The following MYOF variants were observed in gnomAD, a reference collection of about 807,000 sequenced individuals.
MYOF encodes the protein fer-1-like 3, myoferlin.
In MYOF, 244 loss-of-function variants were observed where a neutral mutation model predicts 284.2. That is an observed-to-expected ratio of 0.86 (90% CI 0.77 to 0.95). The LOEUF is 0.95. MYOF is among the 40% of genes least tolerant of loss of function. The pLI, the probability that MYOF is intolerant of heterozygous loss-of-function variation, is 0.00. For missense variants in MYOF, 2,496 were observed against 2,560.6 expected (o/e 0.97, Z 0.54); for synonymous variants, 904 against 919.7 (o/e 0.98, Z 0.31).
At chr10:93,417,267 T>C (rs764914157) in intron 5 of MYOF, among the ~76,000 whole-genome samples, 12 of 152,216 alleles carry the variant, frequency 7.9e-5, no homozygotes, top group Non-Finnish European at 1.6e-4. Flanking sequence ...TGATCCACTC[T>C]TCTTTACTTG....
chr10:93,383,463 G>C (rs1293336517), intron 19 of MYOF, among the ~76,000 whole-genome samples: 1 of 151,878 alleles, frequency 6.6e-6, no homozygotes, highest in Non-Finnish European at 1.5e-5. Flanking sequence ...AGCATTGTGA[G>C]TCTAAAAGCC....
chr10:93,374,265 T>C (rs1015294855), intron 23 of MYOF, among the ~76,000 whole-genome samples: 1 of 152,214 alleles, frequency 6.6e-6, no homozygotes, highest in Non-Finnish European at 1.5e-5. Context: ...CTATCATTCA[T>C]GGACATTTGT....
rs375255136 is a variant in MYOF at position 93,363,899 on chromosome 10, T to C, written c.2868+62A>G. 6.5e-4 allele frequency: 958 copies of C among 1,484,104 alleles called. 6 individuals carry two copies. The Middle Eastern group carries it at 0.013, about 21-fold the overall frequency. The allele number at this position is 1,484,104 out of a possible 1,614,324, so 91.9% of individuals were successfully genotyped here. A position where few individuals can be genotyped will look rare whatever the true frequency, so the allele number is the denominator to read the frequency against. The stretch of plus-strand genomic sequence containing the variant: ...AAGCCCAAGCCAGGTGGCTGCTGGG[T>C]TCCCCGCAGATCACGATCAGAGGTG... On this transcript the variant is annotated intron_variant, in intron 27 of 53. Transcript: ENST00000359263.
At chr10:93,374,721 T>A in intron 23 of MYOF, 42 bp downstream of exon 23, 1 of 1,580,588 alleles carries the variant, frequency 6.3e-7, no homozygotes, top group Non-Finnish European at 8.6e-7. Context: ...GCAGAGCCCT[T>A]CTTCCATATC....
intron 2 of MYOF, among the ~76,000 whole-genome samples, chr10:93,454,826 A>G (rs1295690717): frequency 6.6e-6 from 1 of 151,782 alleles, no homozygotes; most frequent in Non-Finnish European, 1.5e-5. Flanking sequence ...AATGTTTTTT[A>G]AAATTAGCTG....
chr10:93,463,690 A>G (rs1589609342), intron 1 of MYOF, among the ~76,000 whole-genome samples: 2 of 151,862 alleles, frequency 1.3e-5, no homozygotes, highest in East Asian at 1.9e-4. Flanking sequence ...GTGAGGCACC[A>G]CACCCGGCCC....
intron 21 of MYOF, 76 bp downstream of exon 21, chr10:93,379,783 GTTAT>G: frequency 6.4e-7 from 1 of 1,557,914 alleles, no homozygotes. Flanking sequence ...ACTTTCTTGT[GTTAT>G]AGTGGCCTGG....
intron 16 of MYOF, among the ~76,000 whole-genome samples, chr10:93,394,271 T>C (rs1214619737): frequency 6.6e-6 from 1 of 151,390 alleles, no homozygotes; most frequent in Non-Finnish European, 1.5e-5. Flanking sequence ...CCGGCTAATT[T>C]TTGTATTTTT....
intron 46 of MYOF, 175 bp from the exon 47 acceptor site, chr10:93,323,533 C>T (rs975428126): frequency 3.2e-6 from 2 of 628,868 alleles, no homozygotes; most frequent in Non-Finnish European, 5.4e-6. Flanking sequence ...CTTTTATGTA[C>T]AATGTCATTT....
chr10:93,360,263 A>G (rs1176909668), intron 28 of MYOF, among the ~76,000 whole-genome samples: 1 of 152,200 alleles, frequency 6.6e-6, no homozygotes. Flanking sequence ...AGCACAGTTC[A>G]AGAGGCAGGA....
rs1300211248 is a variant in MYOF, at chr10:93,411,856, C to A, written c.434-2117G>T. Reference sequence around the variant, plus strand: ...TTGGATCTTCCACAGCCTTGGACACCAGTGCTCATATACATATTTTTAGAT... The same window carrying A: ...TTGGATCTTCCACAGCCTTGGACACAAGTGCTCATATACATATTTTTAGAT... On this transcript the variant is annotated intron_variant, in intron 5 of 53. Transcript: ENST00000359263. Among the ~76,000 whole-genome samples the A allele has an allele frequency of 1.2e-4, 18 of 152,168 alleles. 1 individual carries two copies. The highest frequency in any genetic ancestry group is 1.2e-3 in the Admixed American group (18 of 15,272).
chr10:93,402,439 T>C (rs1432534652), intron 10 of MYOF, 92 bp from the exon 11 acceptor site: 2 of 1,037,058 alleles, frequency 1.9e-6, no homozygotes, highest in Non-Finnish European at 3.0e-6. Context: ...CTGCATTTTC[T>C]TGGAAGCCTC....
chr10:93,400,988 G>A (rs1847266884), intron 12 of MYOF, among the ~76,000 whole-genome samples: 2 of 151,522 alleles, frequency 1.3e-5, no homozygotes, highest in Non-Finnish European at 1.5e-5. Flanking sequence ...AGGTAGCTGG[G>A]ATTATAGGCA....
chr10:93,392,886 A>T, intron 17 of MYOF, 31 bp downstream of exon 17: 3 of 1,592,894 alleles, frequency 1.9e-6, no homozygotes, highest in Non-Finnish European at 2.6e-6. Context: ...CTAGGAAGAT[A>T]TAACAGAGAG....
intron 37 of MYOF, 67 bp downstream of exon 37, chr10:93,347,550 C>T (rs1844256777): frequency 2.0e-5 from 9 of 441,306 alleles, no homozygotes; most frequent in Non-Finnish European, 2.8e-5. Context: ...CAGAGCGAGA[C>T]TCCGTCTCAA....
At chr10:93,387,370 G>A in intron 19 of MYOF, among the ~76,000 whole-genome samples, 1 of 152,232 alleles carries the variant, frequency 6.6e-6, no homozygotes, top group East Asian at 1.9e-4. Flanking sequence ...GAAGTCAACT[G>A]GGAAGATTTC....
intron 31 of MYOF, among the ~76,000 whole-genome samples, 188 bp downstream of exon 31, chr10:93,355,440 G>T (rs1455075830): frequency 1.3e-5 from 2 of 152,100 alleles, no homozygotes; most frequent in Non-Finnish European, 2.9e-5. Flanking sequence ...CAAAAAATTA[G>T]CCAGGCATGG....
At chr10:93,424,276 A>G (rs937227535) in intron 5 of MYOF, among the ~76,000 whole-genome samples, 3 of 152,152 alleles carry the variant, frequency 2.0e-5, no homozygotes, top group Non-Finnish European at 4.4e-5. Flanking sequence ...TAGCCCATCA[A>G]TGAGGGCTGC....
At chr10:93,351,139 T>A (rs1844484531) in intron 35 of MYOF, 58 bp downstream of exon 35, 4 of 1,534,262 alleles carry the variant, frequency 2.6e-6, no homozygotes, top group Non-Finnish European at 3.6e-6. Context: ...TACAAAAGAT[T>A]CCTGTCCTGC....
Sources: gnomAD v4.1 joint callset for allele counts (sites outside exome capture counted in the v4.1 genomes callset) on GRCh38, gnomAD v4.1.1 for gene constraint, MANE v1.5 for transcripts, NCBI Gene and HGNC (gene_info 2026-07-23, HGNC 2026-07-21) for gene names.